The following DOP1A variants were observed in gnomAD, a reference collection of about 807,000 sequenced individuals.
DOP1A encodes protein DOP1A.
Under a neutral mutation model 267.6 loss-of-function variants are expected in DOP1A, and 90 were observed. That is an observed-to-expected ratio of 0.34 (90% confidence interval 0.28 to 0.40). The LOEUF (loss-of-function observed/expected upper bound fraction) is 0.40. DOP1A is among the 10% of genes least tolerant of loss of function. The probability of loss-of-function intolerance (pLI) is 1.00; values close to 1 mark genes in which losing one functional copy is unlikely to be tolerated. For synonymous variants in DOP1A, 932 were observed against 999.1 expected, an observed-to-expected ratio of 0.93 and a Z score of 1.27; for missense variants, 2,437 against 2,900.4, an observed-to-expected ratio of 0.84 and a Z score of 3.67.
intron 4 of DOP1A, among the ~76,000 whole-genome samples, chr6:83,106,393 C>T (rs1362789867): frequency 6.6e-6 from 1 of 152,120 alleles, no homozygotes; most frequent in Non-Finnish European, 1.5e-5. Flanking sequence ...TTGAAATTAC[C>T]TAGGTACATT....
chr6:83,089,448 T>C (rs2128087617), intron 1 of DOP1A, among the ~76,000 whole-genome samples: 1 of 152,334 alleles, frequency 6.6e-6, no homozygotes, highest in African/African-American at 2.4e-5. Flanking sequence ...TTATAATTGA[T>C]ATATGTTATA....
At chr6:83,088,843 A>G (rs1051115509) in intron 1 of DOP1A, among the ~76,000 whole-genome samples, 5 of 152,206 alleles carry the variant, frequency 3.3e-5, no homozygotes, top group African/African-American at 9.6e-5. Context: ...GGAACCTAGA[A>G]CTGTTGACCA....
In DOP1A at chr6:83,138,035, A is replaced by G; in HGVS notation, c.3993A>G (p.Leu1331=). The change falls in exon 21 of 39, where the codon TTA becomes TTG. Residue 1331 remains leucine (L), a synonymous_variant. Coordinates refer to ENST00000349129, the MANE Select transcript of DOP1A (RefSeq NM_015018.4). ...TSVFFSDGLD[L]ENWYSCGEGD... ...TATTCTTCAGTGATGGTCTGGATTT[A>G]GAGAACTGGTATAGCTGTGGAGAGG... The G allele has an allele frequency of 2.5e-6, 4 of 1,611,004 alleles. No individual in the cohort carries two copies. Among genetic ancestry groups the G allele is most frequent in the Non-Finnish European group, 3.4e-6 (4 of 1,178,766 alleles).
chr6:83,121,941 C>G lies in DOP1A; in HGVS notation c.1111C>G (p.Leu371Val). Reference protein sequence around the residue: ...LDKPELGPVILEDVLIEVFRT... With the variant: ...LDKPELGPVIVEDVLIEVFRT... The stretch of plus-strand genomic sequence containing the variant: ...AATATTAATTTTAGGACCTGTAATT[C>G]TAGAAGATGTCCTGATTGAAGTGTT... Residue 371 changes from leucine (L) to valine (V), a missense_variant, in exon 11 of 39, where the codon CTA becomes GTA. Around this residue, in one of 9 missense-constraint regions of DOP1A, gnomAD observed 498 missense variants for 513.5 expected, o/e 0.97. Transcript: ENST00000349129. 1 of 1,599,478 alleles carries G rather than the reference C, an allele frequency of 6.3e-7. No individual in the cohort carries two copies. The highest frequency in any genetic ancestry group is 8.5e-7 in the Non-Finnish European group (1 of 1,171,990).
At chr6:83,079,869 T>A (rs1767785125) in intron 1 of DOP1A, among the ~76,000 whole-genome samples, 1 of 151,856 alleles carries the variant, frequency 6.6e-6, no homozygotes, top group Admixed American at 6.6e-5. Flanking sequence ...AAGAAATACA[T>A]GGTGGGATAG....
chr6:83,135,532 A>AT (rs1778747363), intron 19 of DOP1A, 87 bp from the exon 20 acceptor site: 2 of 1,382,398 alleles, frequency 1.4e-6, no homozygotes, highest in African/African-American at 3.0e-5. Flanking sequence ...TTAATTCAAA[A>AT]TAAGAAACAG....
At chr6:83,125,299 T>G (rs561129959) in intron 14 of DOP1A, 104 bp downstream of exon 14, 3 of 1,210,676 alleles carry the variant, frequency 2.5e-6, no homozygotes, top group Non-Finnish European at 3.4e-6. Flanking sequence ...TTATAATATA[T>G]GCTTTGAAGT....
At chr6:83,085,433 G>A (rs1355479882) in intron 1 of DOP1A, among the ~76,000 whole-genome samples, 3 of 152,202 alleles carry the variant, frequency 2.0e-5, no homozygotes, top group Non-Finnish European at 4.4e-5. Flanking sequence ...AGGGTATGTG[G>A]TAAGAGTTTG....
chr6:83,108,042 G>T (rs931107140), intron 4 of DOP1A, among the ~76,000 whole-genome samples: 1 of 152,234 alleles, frequency 6.6e-6, no homozygotes, highest in African/African-American at 2.4e-5. Context: ...GTTAAAACAT[G>T]AAGAGCAAGA....
intron 27 of DOP1A, among the ~76,000 whole-genome samples, chr6:83,150,173 A>G (rs769459025): frequency 6.6e-6 from 1 of 152,170 alleles, no homozygotes; most frequent in Non-Finnish European, 1.5e-5. Context: ...CCAGAGTTTG[A>G]GACCAGCCTA....
chr6:83,142,983 A>T (rs961475399), intron 24 of DOP1A, among the ~76,000 whole-genome samples: 1 of 152,208 alleles, frequency 6.6e-6, no homozygotes, highest in Non-Finnish European at 1.5e-5. Context: ...CTGATTTTAC[A>T]TTACATTTTT....
At position 83,158,628 on chromosome 6, in the gene DOP1A, A is replaced by G. The variant is rs959788017; in HGVS notation, c.6797+6A>G. 6.3e-7 allele frequency: 1 copy of G among 1,593,666 alleles called. No homozygotes were observed. The highest frequency in any genetic ancestry group is 1.3e-5 in the African/African-American group (1 of 74,456). ...GCTGATGAAGATATTTCACGGTAATATGTAATTTAAATATATTGTTGTCCA... is the reference window on the plus strand; with the variant it reads ...GCTGATGAAGATATTTCACGGTAATGTGTAATTTAAATATATTGTTGTCCA... On this transcript the variant is annotated splice_donor_region_variant and intron_variant, in intron 36 of 38. Coordinates refer to ENST00000349129, the MANE Select transcript of DOP1A (RefSeq NM_015018.4).
intron 6 of DOP1A, 40 bp downstream of exon 6, chr6:83,110,354 C>A: frequency 6.3e-7 from 1 of 1,584,200 alleles, no homozygotes; most frequent in South Asian, 1.2e-5. Context: ...ACAAATATTT[C>A]TTTAGAGTCA....
intron 24 of DOP1A, 30 bp from the exon 25 acceptor site, chr6:83,145,486 TATACATAC>T (rs764929765): frequency 3.3e-6 from 5 of 1,506,084 alleles, no homozygotes; most frequent in Non-Finnish European, 4.5e-6. Flanking sequence ...AAAAGACTTA[TATACATAC>T]ATACATACAT....
At chr6:83,158,895 G>T (rs1404449748) in intron 36 of DOP1A, among the ~76,000 whole-genome samples, 1 of 152,148 alleles carries the variant, frequency 6.6e-6, no homozygotes, top group African/African-American at 2.4e-5. Flanking sequence ...GCTGGTTTTG[G>T]TAAGTCACAT....
Position 83,113,338 on chromosome 6 carries a change from A to G in DOP1A, c.697A>G (p.Thr233Ala), listed in dbSNP as rs200758901. Reference sequence around the variant, plus strand: ...GTTATTTCAGGTAGAAGCAGTAAGTACTTCAGTGCAGGACTCAAGTGTACT... The same window carrying G: ...GTTATTTCAGGTAGAAGCAGTAAGTGCTTCAGTGCAGGACTCAAGTGTACT... ...DIELMVEAVS[T>A]SVQDSSVLVQ... Residue 233 changes from threonine (T) to alanine (A), a missense_variant, in exon 7 of 39, where the codon ACT becomes GCT. This residue lies in a region of DOP1A where 251 missense variants were observed against 359.1 expected (regional missense o/e 0.70). Coordinates refer to ENST00000349129, the MANE Select transcript of DOP1A (RefSeq NM_015018.4). The G allele has an allele frequency of 2.5e-6, 4 of 1,612,396 alleles. No homozygotes were observed. In the East Asian group the frequency reaches 8.9e-5, roughly 36 times the overall value.
intron 11 of DOP1A, 133 bp downstream of exon 11, chr6:83,122,183 G>A (rs1776477132): frequency 1.0e-6 from 1 of 965,300 alleles, no homozygotes; most frequent in Non-Finnish European, 1.5e-6. Flanking sequence ...TTTAATACTA[G>A]TAAAGCTGAT....
intron 25 of DOP1A, among the ~76,000 whole-genome samples, chr6:83,146,785 T>C (rs1400459803): frequency 3.3e-5 from 5 of 152,206 alleles, no homozygotes; most frequent in Non-Finnish European, 5.9e-5. Flanking sequence ...ATTTAGTGGC[T>C]ATATTTAAAG....
chr6:83,158,417 GT>G lies in DOP1A; in HGVS notation c.6742-146del, dbSNP rs60654740. ...AAGGCTCTGTGTGGCTAAATTTGCA[GT>G]TTTACCTTCAGAAACTAAGTATAAT... On this transcript the variant is annotated intron_variant, in intron 35 of 38. Transcript: ENST00000349129. 3,957 of 680,402 alleles carry G rather than the reference GT, an allele frequency of 5.8e-3. 122 individuals carry two copies. In the African/African-American group the frequency reaches 0.064, roughly 11 times the overall value. 42.1% of individuals were successfully genotyped at this position (680,402 alleles called of 1,614,324 possible).
Sources: gnomAD v4.1 joint callset for allele counts (sites outside exome capture counted in the v4.1 genomes callset) on GRCh38, gnomAD v4.1.1 for gene constraint, gnomAD v4.1.1 regional missense constraint, MANE v1.5 for transcripts, NCBI Gene and HGNC (gene_info 2026-07-23, HGNC 2026-07-21) for gene names.